The following SDCCAG8 variants were observed in gnomAD, a reference collection of about 807,000 sequenced individuals.
SDCCAG8 encodes the protein serologically defined colon cancer antigen 8.
In SDCCAG8, 74 loss-of-function variants were observed where a neutral mutation model predicts 101.8. That is an observed-to-expected ratio of 0.73 (90% CI 0.60 to 0.88). The LOEUF is 0.88. Ranked by LOEUF, SDCCAG8 falls within the 40% of genes least tolerant of loss-of-function variation. The probability of loss-of-function intolerance (pLI) is 0.00; values close to 1 mark genes in which losing one functional copy is unlikely to be tolerated. For missense variants in SDCCAG8, 787 were observed against 822.6 expected (o/e 0.96, Z 0.53); for synonymous variants, 281 against 292.9 (o/e 0.96, Z 0.41).
chr1:243,419,457 G>T (rs1203316683), intron 15 of SDCCAG8, among the ~76,000 whole-genome samples: 2 of 152,082 alleles, frequency 1.3e-5, no homozygotes, highest in Non-Finnish European at 2.9e-5. Flanking sequence ...TATCAATCTG[G>T]GTTTTATATA....
At chr1:243,360,835 A>C (rs946476895) in intron 12 of SDCCAG8, among the ~76,000 whole-genome samples, 3 of 151,952 alleles carry the variant, frequency 2.0e-5, no homozygotes, top group Admixed American at 6.6e-5. Context: ...ACAAAACAAA[A>C]CAAAACAAAA....
At chr1:243,346,911 G>A (rs562176253) in intron 12 of SDCCAG8, among the ~76,000 whole-genome samples, 13 of 152,062 alleles carry the variant, frequency 8.5e-5, no homozygotes, top group Non-Finnish European at 1.6e-4. Context: ...CATGTATGAG[G>A]GTATAGGGAA....
intron 5 of SDCCAG8, among the ~76,000 whole-genome samples, chr1:243,288,207 G>C (rs917571075): frequency 2.0e-5 from 3 of 152,120 alleles, no homozygotes; most frequent in African/African-American, 7.2e-5. Flanking sequence ...TCTTACGCAT[G>C]TAATTTCAGC....
At chr1:243,278,863 G>A in intron 4 of SDCCAG8, among the ~76,000 whole-genome samples, 1 of 152,004 alleles carries the variant, frequency 6.6e-6, no homozygotes, top group East Asian at 1.9e-4. Context: ...GCTCACTGTA[G>A]CCTTGACATC....
At chr1:243,363,543 C>T (rs2147859371) in intron 12 of SDCCAG8, among the ~76,000 whole-genome samples, 1 of 152,270 alleles carries the variant, frequency 6.6e-6, no homozygotes, top group Middle Eastern at 3.4e-3. Context: ...ATCTAGATAA[C>T]CTGGATAAAT....
At chr1:243,330,791 T>C (rs2074531959) in intron 10 of SDCCAG8, 99 bp downstream of exon 10, 3 of 1,211,152 alleles carry the variant, frequency 2.5e-6, no homozygotes, top group Admixed American at 2.1e-5. Context: ...GAACTTTAAA[T>C]TTTAAAATCG....
intron 12 of SDCCAG8, among the ~76,000 whole-genome samples, chr1:243,368,758 T>C (rs1270155974): frequency 1.3e-5 from 2 of 152,114 alleles, no homozygotes; most frequent in African/African-American, 4.8e-5. Context: ...TTTCAAAATC[T>C]GTACAGTGAT....
At chr1:243,379,925 G>C (rs138743732) in intron 13 of SDCCAG8, among the ~76,000 whole-genome samples, 1 of 152,142 alleles carries the variant, frequency 6.6e-6, no homozygotes, top group Non-Finnish European at 1.5e-5. Flanking sequence ...AACAGCCTGC[G>C]TTTGGAGAAA....
At chr1:243,427,867 T>C (rs2148047566) in intron 16 of SDCCAG8, among the ~76,000 whole-genome samples, 1 of 152,352 alleles carries the variant, frequency 6.6e-6, no homozygotes, top group Admixed American at 6.5e-5. Context: ...GCCAGGGGTC[T>C]GCAAACGTTT....
chr1:243,461,466 G>A (rs1458209004), intron 16 of SDCCAG8, among the ~76,000 whole-genome samples: 1 of 152,140 alleles, frequency 6.6e-6, no homozygotes, highest in African/African-American at 2.4e-5. Flanking sequence ...CCGCAGCATG[G>A]TTTTGAGGAG....
At chr1:243,417,939 T>G in intron 14 of SDCCAG8, 29 bp from the exon 15 acceptor site, 1 of 1,492,142 alleles carries the variant, frequency 6.7e-7, no homozygotes, top group Non-Finnish European at 9.4e-7. Flanking sequence ...AAACATCTTA[T>G]GTTGGTGGGG....
intron 9 of SDCCAG8, among the ~76,000 whole-genome samples, chr1:243,319,104 G>T (rs2073525611): frequency 1.3e-5 from 2 of 152,018 alleles, no homozygotes; most frequent in Non-Finnish European, 2.9e-5. Context: ...AGGAGGAGAG[G>T]GGCCAGGCCC....
chr1:243,387,187 C>T (rs991112624), intron 13 of SDCCAG8, among the ~76,000 whole-genome samples: 1 of 152,190 alleles, frequency 6.6e-6, no homozygotes, highest in Admixed American at 6.5e-5. Flanking sequence ...CCACTTCTTA[C>T]CGTTTATGTG....
chr1:243,332,934 G>A (rs977469498), intron 10 of SDCCAG8, among the ~76,000 whole-genome samples: 1 of 152,182 alleles, frequency 6.6e-6, no homozygotes, highest in Non-Finnish European at 1.5e-5. Flanking sequence ...GGGAAGTGAT[G>A]GTATCTTAAA....
intron 13 of SDCCAG8, among the ~76,000 whole-genome samples, chr1:243,414,925 T>C (rs1037006816): frequency 2.6e-5 from 4 of 151,712 alleles, no homozygotes; most frequent in African/African-American, 9.7e-5. Context: ...GCTGCCAGCA[T>C]TGAGGTCCTT....
Position 243,316,527 on chromosome 1 carries a change from C to T in SDCCAG8, c.930-228C>T, listed in dbSNP as rs527991353. ...CCCTCTCCACAATAGATGATTGTCC[C>T]GCACAGATGCCGTCCTGCCACGAAG... On this transcript the variant is annotated intron_variant, in intron 8 of 17. Transcript: ENST00000366541. Among the ~76,000 whole-genome samples, 17 of 152,314 alleles carry T rather than the reference C, an allele frequency of 1.1e-4. No homozygotes were observed. The East Asian group carries it at 2.3e-3, about 21-fold the overall frequency.
intron 13 of SDCCAG8, among the ~76,000 whole-genome samples, chr1:243,407,099 G>C (rs760894827): frequency 6.0e-4 from 91 of 151,980 alleles, no homozygotes; most frequent in Non-Finnish European, 4.0e-4. Flanking sequence ...CTGAGGCCAG[G>C]GTCTACATCT....
intron 5 of SDCCAG8, among the ~76,000 whole-genome samples, chr1:243,289,305 C>T (rs2069974323): frequency 6.6e-6 from 1 of 152,142 alleles, no homozygotes; most frequent in Non-Finnish European, 1.5e-5. Context: ...TCATGTTTTT[C>T]TGCCTGCTTT....
At chr1:243,262,583 C>T (rs2067277089) in intron 1 of SDCCAG8, among the ~76,000 whole-genome samples, 1 of 152,154 alleles carries the variant, frequency 6.6e-6, no homozygotes, top group Non-Finnish European at 1.5e-5. Flanking sequence ...CTGGAATAAT[C>T]TAAATCAAAG....
Sources: allele counts gnomAD v4.1 joint callset (sites outside exome capture counted in the v4.1 genomes callset), GRCh38; gene constraint gnomAD v4.1.1; transcripts MANE v1.5; gene names NCBI Gene and HGNC (gene_info 2026-07-23, HGNC 2026-07-21).